The following SGCZ variants were observed in gnomAD, a reference collection of about 807,000 sequenced individuals.
SGCZ encodes the protein sarcoglycan zeta.
Under a neutral mutation model 41.3 loss-of-function variants are expected in SGCZ, and 40 were observed. That is an observed-to-expected ratio of 0.97 (90% CI 0.75 to 1.26). The LOEUF is 1.26. Ranked by LOEUF, SGCZ falls within the 50% of genes most tolerant of loss-of-function variation. The pLI is 0.00. For missense variants in SGCZ, 552 were observed against 369.8 expected (o/e 1.49, Z -4.04); for synonymous variants, 206 against 137.5 (o/e 1.50, Z -3.49).
chr8:15,100,022 A>G (rs1385094612), intron 1 of SGCZ, among the ~76,000 whole-genome samples: 1 of 152,168 alleles, frequency 6.6e-6, no homozygotes, highest in Admixed American at 6.5e-5. Flanking sequence ...AAAAAGAGAT[A>G]ATTTTTCCCA....
intron 2 of SGCZ, among the ~76,000 whole-genome samples, chr8:14,345,765 G>A (rs117387134): frequency 2.6e-5 from 4 of 152,192 alleles, no homozygotes; most frequent in Non-Finnish European, 5.9e-5. Context: ...GACTTCAATG[G>A]AAAGAAAATA....
chr8:14,497,249 C>G (rs1359639262), intron 2 of SGCZ, among the ~76,000 whole-genome samples: 1 of 152,124 alleles, frequency 6.6e-6, no homozygotes, highest in Non-Finnish European at 1.5e-5. Context: ...GCAACGACAT[C>G]TGTTCTTGGC....
chr8:14,163,601 A>G (rs1299319436), intron 5 of SGCZ, among the ~76,000 whole-genome samples: 5 of 152,176 alleles, frequency 3.3e-5, no homozygotes, highest in Non-Finnish European at 4.4e-5. Context: ...CATGCATTTA[A>G]TTTGACCACT....
At chr8:14,725,190 G>A (rs1377239135) in intron 1 of SGCZ, among the ~76,000 whole-genome samples, 1 of 152,136 alleles carries the variant, frequency 6.6e-6, no homozygotes, top group East Asian at 1.9e-4. Flanking sequence ...ATTTTTCATG[G>A]CTGAATAATA....
At chr8:14,573,819 G>A (rs564762230) in intron 1 of SGCZ, among the ~76,000 whole-genome samples, 2 of 152,122 alleles carry the variant, frequency 1.3e-5, no homozygotes, top group Non-Finnish European at 2.9e-5. Flanking sequence ...GTTAGTGTTT[G>A]AGAAACACCA....
Position 14,087,537 on chromosome 8 carries a change from A to G in SGCZ, c.*2906T>C, listed in dbSNP as rs2116941697. ...GTTATTAAGATACGGGTAATAAGAT[A>G]GCTTAGTCGCATCCATGTAGTACAC... On this transcript the variant is annotated 3_prime_UTR_variant, in exon 8 of 8. Transcript: ENST00000382080. 6.6e-6 allele frequency among the ~76,000 whole-genome samples: 1 copy of G among 151,692 alleles called. No individual in the cohort carries two copies. The highest frequency in any genetic ancestry group is 2.0e-4 in the East Asian group (1 of 5,128).
intron 6 of SGCZ, among the ~76,000 whole-genome samples, chr8:14,102,917 A>G (rs1233635449): frequency 6.6e-6 from 1 of 152,196 alleles, no homozygotes; most frequent in African/African-American, 2.4e-5. Context: ...TAGGATGTAG[A>G]TATATGTATT....
Position 14,637,183 on chromosome 8 carries a change from C to T in SGCZ, c.40-82257G>A, listed in dbSNP as rs1261389682. Among the ~76,000 whole-genome samples the T allele has an allele frequency of 2.0e-5, 3 of 151,762 alleles. No homozygotes were observed. The Admixed American group carries it at 2.0e-4, about 10-fold the overall frequency. On this transcript the variant is annotated intron_variant, in intron 1 of 7. Transcript: ENST00000382080. ...AAGGAGTCCAAATCTTACATCACTA[C>T]TCTAGGACTCTGCTGAGTTAGATTT...
intron 1 of SGCZ, among the ~76,000 whole-genome samples, chr8:15,128,037 A>T (rs958005153): frequency 8.5e-5 from 13 of 152,222 alleles, no homozygotes; most frequent in African/African-American, 3.1e-4. Context: ...CTATGCTATT[A>T]TTCAGGCTGA....
intron 1 of SGCZ, among the ~76,000 whole-genome samples, chr8:15,127,091 T>C (rs760958895): frequency 5.9e-5 from 9 of 152,200 alleles, no homozygotes; most frequent in Non-Finnish European, 8.8e-5. Flanking sequence ...ATTTAGGTTT[T>C]AAATTGCCAA....
In SGCZ at chr8:14,102,360, A is replaced by C. The variant is rs375377693; in HGVS notation, c.744+16T>G. 6.8e-6 allele frequency: 10 copies of C among 1,461,362 alleles called. No individual in the cohort carries two copies. The highest frequency in any genetic ancestry group is 9.2e-6 in the Non-Finnish European group (10 of 1,089,822). The allele number at this position is 1,461,362 out of a possible 1,614,324, so 90.5% of individuals were successfully genotyped here. The stretch of plus-strand genomic sequence containing the variant: ...GTGGGCAGTATAGGGCGAGGGTCCA[A>C]CTTTCTGGGACTCACCTCCCCTTCT... On this transcript the variant is annotated intron_variant, in intron 7 of 7. Coordinates refer to ENST00000382080, the MANE Select transcript of SGCZ (RefSeq NM_139167.4).
chr8:14,490,374 G>A (rs1003914049), intron 2 of SGCZ, among the ~76,000 whole-genome samples: 3 of 152,046 alleles, frequency 2.0e-5, no homozygotes, highest in Non-Finnish European at 2.9e-5. Context: ...GTAAGTTATT[G>A]TAAGATAGAA....
rs770467969 is a variant in SGCZ at position 14,102,459 on chromosome 8, G to A, written c.661C>T (p.Arg221Cys). 1.3e-5 allele frequency: 20 copies of A among 1,500,622 alleles called. No homozygotes were observed. The highest frequency in any genetic ancestry group is 1.9e-4 in the Middle Eastern group (1 of 5,154). The allele number at this position is 1,500,622 out of a possible 1,614,324, so 93.0% of individuals were successfully genotyped here. Reference protein sequence around the residue: ...PTRSLIMEAPRGVQVSAAAGD... With the variant: ...PTRSLIMEAPCGVQVSAAAGD... ...GCAGCAGCACTCACCTGGACCCCAC[G>A]GGGAGCTTCCATGATCAAGGATCTG... is the stretch of plus-strand genomic sequence containing the variant. The change falls in exon 7 of 8, where the codon CGT becomes TGT. Residue 221 changes from arginine (R) to cysteine (C), a missense_variant. By Grantham distance (180) the Arg-to-Cys change is radical. Transcript: ENST00000382080.
At chr8:15,002,318 T>TAC (rs1802455276) in intron 1 of SGCZ, among the ~76,000 whole-genome samples, 2 of 152,032 alleles carry the variant, frequency 1.3e-5, no homozygotes, top group South Asian at 4.2e-4. Context: ...TTTAAAAAGA[T>TAC]AGTAAGGAAA....
At chr8:14,898,478 T>G (rs545227197) in intron 1 of SGCZ, among the ~76,000 whole-genome samples, 1 of 152,308 alleles carries the variant, frequency 6.6e-6, no homozygotes, top group Admixed American at 6.5e-5. Context: ...TCTGAGAAGA[T>G]ATTGGGCCAG....
intron 2 of SGCZ, among the ~76,000 whole-genome samples, chr8:14,460,704 T>C (rs1800877843): frequency 1.3e-5 from 2 of 152,140 alleles, no homozygotes; most frequent in African/African-American, 4.8e-5. Context: ...CCTTGTGTAT[T>C]AGATCAAGAA....
rs751532738 is a variant in SGCZ, at chr8:15,225,714, G to C, written c.39+11871C>G. 2.0e-5 allele frequency among the ~76,000 whole-genome samples: 3 copies of C among 152,262 alleles called. No homozygotes were observed. The East Asian group carries it at 5.8e-4, about 29-fold the overall frequency. On this transcript the variant is annotated intron_variant, in intron 1 of 7. Transcript: ENST00000382080. ...AGGGAAATCTGAAAGTATGGGATGTGACTTGCTTGGAGACTGGCTGGACAG... is the reference window on the plus strand; with the variant it reads ...AGGGAAATCTGAAAGTATGGGATGTCACTTGCTTGGAGACTGGCTGGACAG...
chr8:14,566,927 G>A (rs891920224), intron 1 of SGCZ, among the ~76,000 whole-genome samples: 19 of 152,166 alleles, frequency 1.2e-4, no homozygotes, highest in Non-Finnish European at 2.2e-4. Context: ...CAGAGCGGCC[G>A]GCTGGCCCCG....
chr8:15,103,980 C>T (rs79274084), intron 1 of SGCZ, among the ~76,000 whole-genome samples: 3,121 of 152,198 alleles, frequency 0.021, 76 homozygotes, highest in East Asian at 0.11. Flanking sequence ...TTTAAGTGAC[C>T]GTACGCTGGA....
Sources: allele counts gnomAD v4.1 joint callset (sites outside exome capture counted in the v4.1 genomes callset), GRCh38; gene constraint gnomAD v4.1.1; transcripts MANE v1.5; gene names NCBI Gene and HGNC (gene_info 2026-07-23, HGNC 2026-07-21).